GALNT13: variants seen among roughly 807,000 people sequenced by gnomAD.
GALNT13 encodes UDP-GalNAc:polypeptide N-acetylgalactosaminyltransferase 13.
GALNT13 carries 28 observed loss-of-function variants against 64.2 expected under a neutral mutation model. The observed-to-expected ratio is 0.44, with a 90% CI of 0.32 to 0.60. The LOEUF (loss-of-function observed/expected upper bound fraction) is 0.60, where lower values mean the gene tolerates loss of function less well. GALNT13 is among the 20% of genes least tolerant of loss of function. The pLI, the probability that GALNT13 is intolerant of heterozygous loss-of-function variation, is 0.05. For synonymous variants in GALNT13, 214 were observed against 224.6 expected, an observed-to-expected ratio of 0.95 and a Z score of 0.42; for missense variants, 577 against 669.8, an observed-to-expected ratio of 0.86 and a Z score of 1.53.
the GALNT13 span, among the ~76,000 whole-genome samples, chr2:153,598,118 A>T: frequency 6.6e-6 from 1 of 152,074 alleles, no homozygotes; most frequent in Admixed American, 6.6e-5. Context: ...TAAACCCAAA[A>T]CAGATCATAC....
At chr2:153,603,835 GCT>G in the GALNT13 span, among the ~76,000 whole-genome samples, 2 of 151,926 alleles carry the variant, frequency 1.3e-5, no homozygotes, top group African/African-American at 4.8e-5. Flanking sequence ...TTGCCATGTG[GCT>G]CAAAGAGTCT....
intron 3 of GALNT13, among the ~76,000 whole-genome samples, chr2:154,020,455 G>C (rs894737184): frequency 2.6e-5 from 4 of 152,168 alleles, no homozygotes; most frequent in African/African-American, 9.7e-5. Flanking sequence ...GGCCAGTGAT[G>C]ATGAGCATTT....
chr2:153,741,320 T>C, the GALNT13 span, among the ~76,000 whole-genome samples: 1 of 152,052 alleles, frequency 6.6e-6, no homozygotes, highest in Admixed American at 6.6e-5. Context: ...TTAATATGCT[T>C]TGCCTTTCCA....
chr2:154,077,171 G>A (rs1052846621), intron 3 of GALNT13, among the ~76,000 whole-genome samples: 1 of 151,550 alleles, frequency 6.6e-6, no homozygotes, highest in African/African-American at 2.4e-5. Flanking sequence ...CTTAGTGGAG[G>A]AATGTATAAA....
the GALNT13 span, among the ~76,000 whole-genome samples, chr2:153,229,670 T>A: frequency 1.3e-5 from 2 of 152,316 alleles, no homozygotes; most frequent in African/African-American, 2.4e-5. Flanking sequence ...GACTTGATAG[T>A]GGTCTGAAAA....
chr2:153,167,730 G>GAAGGA, the GALNT13 span, among the ~76,000 whole-genome samples: 16 of 152,298 alleles, frequency 1.1e-4, no homozygotes, highest in African/African-American at 3.8e-4. Flanking sequence ...AGAGCAAGGG[G>GAAGGA]AAGGAAAGGT....
chr2:154,218,982 C>T (rs892773607), intron 4 of GALNT13, among the ~76,000 whole-genome samples: 1 of 151,936 alleles, frequency 6.6e-6, no homozygotes, highest in African/African-American at 2.4e-5. Context: ...TCTCCCATAT[C>T]GGTTCCTCAT....
At chr2:153,690,974 C>T in the GALNT13 span, among the ~76,000 whole-genome samples, 51 of 152,182 alleles carry the variant, frequency 3.4e-4, no homozygotes, top group East Asian at 7.4e-3. Context: ...CAAATGTCCA[C>T]GAGAGTAATG....
chr2:154,100,849 A>G (rs1702310083), intron 3 of GALNT13, among the ~76,000 whole-genome samples: 1 of 151,988 alleles, frequency 6.6e-6, no homozygotes, highest in Non-Finnish European at 1.5e-5. Context: ...TTTGTGATAC[A>G]TGGCTGCTAA....
the GALNT13 span, among the ~76,000 whole-genome samples, chr2:153,641,255 A>T: frequency 6.6e-6 from 1 of 152,154 alleles, no homozygotes. Flanking sequence ...CTTGTTCATG[A>T]TACCACATCC....
At chr2:153,460,040 A>C in the GALNT13 span, among the ~76,000 whole-genome samples, 1 of 152,132 alleles carries the variant, frequency 6.6e-6, no homozygotes, top group African/African-American at 2.4e-5. Flanking sequence ...TTAAATTAAA[A>C]TAAATGCATT....
the GALNT13 span, among the ~76,000 whole-genome samples, chr2:153,245,043 C>CCGCTGTGA: frequency 6.6e-6 from 1 of 152,216 alleles, no homozygotes. Context: ...TGTGGCAAAG[C>CCGCTGTGA]CGCTGTGACC....
At chr2:153,735,297 G>A in the GALNT13 span, among the ~76,000 whole-genome samples, 2 of 151,976 alleles carry the variant, frequency 1.3e-5, no homozygotes, top group East Asian at 3.9e-4. Flanking sequence ...TTGTTGTTCA[G>A]CAGAGAGTAT....
the GALNT13 span, among the ~76,000 whole-genome samples, chr2:153,119,350 ACC>A: frequency 6.6e-6 from 1 of 151,944 alleles, no homozygotes; most frequent in Non-Finnish European, 1.5e-5. Context: ...CAATACTAGA[ACC>A]CTAAATTAAT....
At chr2:153,555,619 T>C in the GALNT13 span, among the ~76,000 whole-genome samples, 105 of 152,352 alleles carry the variant, frequency 6.9e-4, 1 homozygote. Context: ...TGTGAGGTGG[T>C]TACCCTTATC....
intron 9 of GALNT13, among the ~76,000 whole-genome samples, chr2:154,322,024 A>G (rs1057385967): frequency 6.6e-5 from 10 of 151,930 alleles, no homozygotes; most frequent in Non-Finnish European, 1.5e-4. Context: ...TTTGGCATTC[A>G]TGGAAGCTTT....
At chr2:153,163,191 A>G in the GALNT13 span, among the ~76,000 whole-genome samples, 1 of 152,160 alleles carries the variant, frequency 6.6e-6, no homozygotes, top group Admixed American at 6.5e-5. Flanking sequence ...TAATAAAATA[A>G]GGTCCCACTT....
intron 4 of GALNT13, among the ~76,000 whole-genome samples, chr2:154,158,438 T>C (rs1465855564): frequency 6.6e-6 from 1 of 152,240 alleles, no homozygotes; most frequent in Non-Finnish European, 1.5e-5. Flanking sequence ...TATTTTTACC[T>C]GAATCATTGT....
the GALNT13 span, among the ~76,000 whole-genome samples, chr2:153,318,246 C>T: frequency 6.6e-6 from 1 of 151,812 alleles, no homozygotes; most frequent in African/African-American, 2.4e-5. Context: ...TTCAGCTCCT[C>T]TCCACTCTTA....
Sources: allele counts gnomAD v4.1 joint callset (sites outside exome capture counted in the v4.1 genomes callset), GRCh38; gene constraint gnomAD v4.1.1; transcripts MANE v1.5; gene names NCBI Gene and HGNC (gene_info 2026-07-23, HGNC 2026-07-21).